LRRC9: variants seen among roughly 807,000 people sequenced by gnomAD.
LRRC9 encodes leucine rich repeat containing 9, also known as leucine-rich repeat-containing protein 9.
In LRRC9, 122 loss-of-function variants were observed where a neutral mutation model predicts 63.2. The ratio of observed to expected loss-of-function variants is 1.93; its 90% CI spans 1.67 to 2.24. LRRC9 has a LOEUF of 2.24. LRRC9 is among the 30% of genes most tolerant of loss of function. LRRC9 has a pLI of 0.00. For synonymous variants in LRRC9, 366 were observed against 213.1 expected (o/e 1.72, Z -6.25); for missense variants, 1,071 against 627.7 (o/e 1.71, Z -7.55).
At chr14:59,957,270 C>A (rs1400362586) in intron 8 of LRRC9, among the ~76,000 whole-genome samples, 3 of 152,126 alleles carry the variant, frequency 2.0e-5, no homozygotes, top group African/African-American at 7.2e-5. Context: ...CCCCAATCAA[C>A]CAGAGATTTG....
intron 17 of LRRC9, among the ~76,000 whole-genome samples, chr14:59,989,060 C>T (rs1887783464): frequency 6.6e-6 from 1 of 151,994 alleles, no homozygotes; most frequent in African/African-American, 2.4e-5. Context: ...TTTCTTCCTT[C>T]TAGATGGCCA....
chr14:60,034,308 T>A (rs948596561), intron 29 of LRRC9, among the ~76,000 whole-genome samples: 1 of 152,004 alleles, frequency 6.6e-6, no homozygotes, highest in Admixed American at 6.6e-5. Flanking sequence ...TGAGCCACCG[T>A]GCTCAGCCTG....
chr14:60,053,005 A>G lies in LRRC9; in HGVS notation c.3991-60A>G. The G allele has an allele frequency of 1.5e-6, 1 of 657,980 alleles. No individual in the cohort carries two copies. The highest frequency in any genetic ancestry group is 2.2e-5 in the Admixed American group (1 of 45,286). The allele number at this position is 657,980 out of a possible 1,614,324, so 40.8% of individuals were successfully genotyped here. On this transcript the variant is annotated intron_variant, in intron 29 of 31. Transcript: ENST00000445360. This position sits in a 1 kb window ranked among gnomAD's most constrained non-coding sequence, Gnocchi z 4.8. ...CTATGCTAAATTTCCTTCTCTATAC[A>G]GGTTAATCTTTGAAATAAAAGTTTT...
chr14:60,035,120 A>C (rs536934645), intron 29 of LRRC9, among the ~76,000 whole-genome samples: 1 of 151,344 alleles, frequency 6.6e-6, no homozygotes, highest in Non-Finnish European at 1.5e-5. Context: ...TTTTTTTGTA[A>C]ACCTGTTGGC....
In LRRC9 at chr14:60,003,805, T is replaced by G; in HGVS notation, c.2842+7T>G. On this transcript the variant is annotated splice_region_variant and intron_variant, in intron 21 of 31. Coordinates refer to ENST00000445360, the Ensembl canonical transcript of LRRC9. The surrounding 1 kb of genome is among the most constrained non-coding windows in gnomAD (Gnocchi z 4.2). The stretch of plus-strand genomic sequence containing the variant: ...TGCATCTCAAAGATAGAAGGTAAGG[T>G]ACTTAAGAACTTTGAAGTCTCAAAA... 1.7e-6 allele frequency: 1 copy of G among 579,694 alleles called. No homozygotes were observed. The highest frequency in any genetic ancestry group is 3.0e-6 in the Non-Finnish European group (1 of 329,180). 35.9% of individuals were successfully genotyped at this position (579,694 alleles called of 1,614,324 possible). A position where few individuals can be genotyped will look rare whatever the true frequency, so the allele number is the denominator to read the frequency against.
rs894907560 is a variant in LRRC9 at position 59,958,422 on chromosome 14, T to G, written c.883-1396T>G. On this transcript the variant is annotated intron_variant, in intron 8 of 31. Transcript: ENST00000445360. The surrounding 1 kb of genome is among the most constrained non-coding windows in gnomAD (Gnocchi z 4.0). ...CCAGACCTCCCAAACTCCTTAGCAC[T>G]GTCAGGGAAAAACCACCTACTAAAG... 1.3e-5 allele frequency among the ~76,000 whole-genome samples: 2 copies of G among 152,166 alleles called. No homozygotes were observed. Among genetic ancestry groups the G allele is most frequent in the Non-Finnish European group, 2.9e-5 (2 of 68,008 alleles).
intron 23 of LRRC9, among the ~76,000 whole-genome samples, chr14:60,011,023 C>A (rs1890217971): frequency 6.6e-6 from 1 of 152,210 alleles, no homozygotes; most frequent in Non-Finnish European, 1.5e-5. Flanking sequence ...GTCACTTCCA[C>A]ATTTTTGGGT....
chr14:60,051,420 ACT>A lies in LRRC9; in HGVS notation c.3991-1640_3991-1639del, dbSNP rs1411422186. On this transcript the variant is annotated intron_variant, in intron 29 of 31. Transcript: ENST00000445360. This position sits in a 1 kb window ranked among gnomAD's most constrained non-coding sequence, Gnocchi z 4.7. ...AACCCTCCTCGTCCAGACCACCTGG[ACT>A]CTCTACAGATGGCAGGCTGGAACGC... 6.6e-6 allele frequency among the ~76,000 whole-genome samples: 1 copy of A among 152,058 alleles called. No homozygotes were observed. Among genetic ancestry groups the A allele is most frequent in the East Asian group, 1.9e-4 (1 of 5,174 alleles).
At chr14:60,033,299 T>C (rs1892146080) in intron 29 of LRRC9, among the ~76,000 whole-genome samples, 1 of 152,146 alleles carries the variant, frequency 6.6e-6, no homozygotes, top group African/African-American at 2.4e-5. Flanking sequence ...ATATTTTTAA[T>C]TTCCTTTGCT....
rs887991252 is a variant in LRRC9 at position 59,964,372 on chromosome 14, TTTTG to T, written c.1212-2210_1212-2207del. 9.2e-5 allele frequency among the ~76,000 whole-genome samples: 14 copies of T among 152,134 alleles called. No homozygotes were observed. Among genetic ancestry groups the T allele is most frequent in the African/African-American group, 3.1e-4 (13 of 41,430 alleles). ...ACGCAGTACTCCACCACATAAGTGG[TTTTG>T]TTTGTTCTGTTTCCTTCACCCAGAA... On this transcript the variant is annotated intron_variant, in intron 10 of 31. Transcript: ENST00000445360. The surrounding 1 kb of genome is among the most constrained non-coding windows in gnomAD (Gnocchi z 4.4).
chr14:59,988,071 G>C (rs1391486521), intron 17 of LRRC9, among the ~76,000 whole-genome samples: 1 of 152,172 alleles, frequency 6.6e-6, no homozygotes, highest in African/African-American at 2.4e-5. Context: ...TCTTTAACCA[G>C]TGGGAGCTTT....
Position 60,004,117 on chromosome 14 carries a change from A to G in LRRC9, c.2842+319A>G, listed in dbSNP as rs1299598840. Among the ~76,000 whole-genome samples, 1 of 152,098 alleles carries G rather than the reference A, an allele frequency of 6.6e-6. No homozygotes were observed. The highest frequency in any genetic ancestry group is 2.4e-5 in the African/African-American group (1 of 41,428). On this transcript the variant is annotated intron_variant, in intron 21 of 31. Coordinates refer to ENST00000445360, the Ensembl canonical transcript of LRRC9. This position sits in a 1 kb window ranked among gnomAD's most constrained non-coding sequence, Gnocchi z 4.8. ...ATACCTATTAGTGGAATTCGTGACT[A>G]TTTTACTTTATATAATGAGCCCGAG...
At chr14:60,057,888 T>C in exon 31 of LRRC9, 4 of 672,124 alleles carry the variant, frequency 6.0e-6, no homozygotes, top group Non-Finnish European at 1.1e-5. Flanking sequence ...CTTATTCCTG[T>C]TACCCACTCT....
chr14:60,001,477 T>C (rs1594992612), intron 19 of LRRC9, among the ~76,000 whole-genome samples: 1 of 152,260 alleles, frequency 6.6e-6, no homozygotes, highest in African/African-American at 2.4e-5. Context: ...TCATAAAGAA[T>C]ACATACATAT....
At chr14:59,950,993 G>C (rs1282970789) in intron 8 of LRRC9, among the ~76,000 whole-genome samples, 1 of 31,698 alleles carries the variant, frequency 3.2e-5, no homozygotes, top group African/African-American at 2.1e-4. Flanking sequence ...TGCTCTTCTC[G>C]AGGAGTATCT....
At chr14:59,983,754 T>C (rs1411781974) in intron 16 of LRRC9, among the ~76,000 whole-genome samples, 3 of 152,068 alleles carry the variant, frequency 2.0e-5, no homozygotes, top group African/African-American at 7.2e-5. Context: ...TGTAGCCAAA[T>C]TAGGATGGAT....
rs149765160 is a variant in LRRC9, at chr14:59,987,357, T to C, written c.2211+2133T>C. ...TTACATTATTTGTAACAACTTGTTG[T>C]CATTACAGAGGAAGTTTATATGCAT... On this transcript the variant is annotated intron_variant, in intron 17 of 31. Coordinates refer to ENST00000445360, the Ensembl canonical transcript of LRRC9. Among the ~76,000 whole-genome samples the C allele has an allele frequency of 7.8e-3, 1,166 of 148,832 alleles. 6 individuals are homozygous for C. Among genetic ancestry groups the C allele is most frequent in the Admixed American group, 0.015 (220 of 14,512 alleles).
chr14:60,022,918 AT>A (rs1891225395), intron 27 of LRRC9, 48 bp downstream of exon 27: 1 of 460,758 alleles, frequency 2.2e-6, no homozygotes, highest in Non-Finnish European at 3.9e-6. Flanking sequence ...TTAAAAACTG[AT>A]TTTATCATCA....
chr14:60,006,509 G>C, exon 22 of LRRC9: 2 of 701,878 alleles, frequency 2.8e-6, no homozygotes, highest in East Asian at 5.4e-5. Flanking sequence ...TTTCTCTTGA[G>C]AACAACAGAA....
Sources: gnomAD v4.1 joint callset for allele counts (sites outside exome capture counted in the v4.1 genomes callset) on GRCh38, gnomAD v4.1.1 for gene constraint, Gnocchi (gnomAD v3.1) non-coding constraint, MANE v1.5 for transcripts, NCBI Gene and HGNC (gene_info 2026-07-23, HGNC 2026-07-21) for gene names.